The following WWOX variants were observed in gnomAD, a reference collection of about 807,000 sequenced individuals.
WWOX encodes the protein WW domain-containing oxidoreductase.
In WWOX, 69 loss-of-function variants were observed where a neutral mutation model predicts 46.2. The ratio of observed to expected loss-of-function variants is 1.49; its 90% CI spans 1.23 to 1.82. The LOEUF (loss-of-function observed/expected upper bound fraction) is 1.82. Ranked by LOEUF, WWOX falls within the 40% of genes most tolerant of loss-of-function variation. WWOX has a pLI of 0.00. For missense variants in WWOX, 919 were observed against 542.6 expected, an observed-to-expected ratio of 1.69 and a Z score of -6.89; for synonymous variants, 359 against 202.6, an observed-to-expected ratio of 1.77 and a Z score of -6.56.
At chr16:78,650,805 A>G (rs1567464195) in intron 8 of WWOX, among the ~76,000 whole-genome samples, 1 of 152,164 alleles carries the variant, frequency 6.6e-6, no homozygotes, top group Non-Finnish European at 1.5e-5. Context: ...TGGCCTGCAA[A>G]GGTTCCACTG....
Position 79,135,874 on chromosome 16 carries a change from T to C in WWOX, c.1057-75734T>C, listed in dbSNP as rs146905533. 8.5e-5 allele frequency among the ~76,000 whole-genome samples: 13 copies of C among 152,338 alleles called. No homozygotes were observed. In the East Asian group the frequency reaches 2.5e-3, roughly 29 times the overall value. On this transcript the variant is annotated intron_variant, in intron 8 of 8. Transcript: ENST00000566780. Reference sequence around the variant, plus strand: ...CACATTTCTTCTTTTCTGAACTGCCTTTCCATATTCTCGGTCCAGCTTTCT... The same window carrying C: ...CACATTTCTTCTTTTCTGAACTGCCCTTCCATATTCTCGGTCCAGCTTTCT...
chr16:78,623,478 G>A (rs997440185), intron 8 of WWOX, among the ~76,000 whole-genome samples: 6 of 152,066 alleles, frequency 3.9e-5, no homozygotes, highest in African/African-American at 9.7e-5. Context: ...TCATGAGTTC[G>A]AGACCAGCCT....
At chr16:78,407,827 C>G (rs2082584903) in intron 6 of WWOX, among the ~76,000 whole-genome samples, 1 of 152,160 alleles carries the variant, frequency 6.6e-6, no homozygotes, top group Non-Finnish European at 1.5e-5. Flanking sequence ...TACTTCTTAC[C>G]ACATCTTGAG....
chr16:78,576,138 G>A (rs1005775118), intron 8 of WWOX, among the ~76,000 whole-genome samples: 2 of 152,060 alleles, frequency 1.3e-5, no homozygotes, highest in Non-Finnish European at 2.9e-5. Flanking sequence ...TGACTCTCCT[G>A]TATGAATTTT....
intron 8 of WWOX, among the ~76,000 whole-genome samples, chr16:78,521,163 C>G (rs2043340728): frequency 6.6e-6 from 1 of 152,142 alleles, no homozygotes; most frequent in African/African-American, 2.4e-5. Context: ...ATTCCAGTGG[C>G]TTTTGGAGCA....
chr16:78,786,825 A>G lies in WWOX; in HGVS notation c.1056+354073A>G, dbSNP rs149227431. 4.4e-3 allele frequency among the ~76,000 whole-genome samples: 675 copies of G among 152,344 alleles called. 4 individuals are homozygous for G. The highest frequency in any genetic ancestry group is 7.5e-3 in the Non-Finnish European group (507 of 68,036). On this transcript the variant is annotated intron_variant, in intron 8 of 8. Transcript: ENST00000566780. ...TAATACATGCTTTATGGATTTTTAA[A>G]TTGTGGTAAGATTTACATAATGTAA... is the stretch of plus-strand genomic sequence containing the variant.
intron 8 of WWOX, among the ~76,000 whole-genome samples, chr16:78,664,111 A>C (rs1408161148): frequency 6.6e-6 from 1 of 152,184 alleles, no homozygotes; most frequent in African/African-American, 2.4e-5. Flanking sequence ...GTGAAAGCTA[A>C]AGGATATGCT....
At chr16:78,144,441 A>ATATACG (rs1203132529) in intron 4 of WWOX, among the ~76,000 whole-genome samples, 389 of 19,922 alleles carry the variant, frequency 0.02, 56 homozygotes, top group African/African-American at 0.081. Flanking sequence ...ATATATATAT[A>ATATACG]TATATACACA....
intron 8 of WWOX, among the ~76,000 whole-genome samples, chr16:79,087,883 G>A (rs2048882491): frequency 6.6e-6 from 1 of 152,184 alleles, no homozygotes; most frequent in South Asian, 2.1e-4. Flanking sequence ...GGAAAGGACA[G>A]GATGTGGAAG....
chr16:78,254,473 C>G (rs1343125463), intron 5 of WWOX, among the ~76,000 whole-genome samples: 1 of 120,226 alleles, frequency 8.3e-6, no homozygotes, highest in Non-Finnish European at 1.7e-5. Context: ...CACCTCTGTT[C>G]CATCACTTTT....
intron 8 of WWOX, among the ~76,000 whole-genome samples, chr16:78,615,267 C>G (rs919691545): frequency 1.3e-5 from 2 of 152,156 alleles, no homozygotes; most frequent in Non-Finnish European, 2.9e-5. Flanking sequence ...AAGTTTCAGG[C>G]TCTGCTACAG....
intron 8 of WWOX, among the ~76,000 whole-genome samples, chr16:78,560,657 G>A (rs1970869): frequency 0.46 from 69,834 of 151,656 alleles, 18,137 homozygotes; most frequent in African/African-American, 0.72. Flanking sequence ...AAAAATTAAT[G>A]ATAATAATGT....
chr16:79,208,082 A>G (rs908385799), intron 8 of WWOX, among the ~76,000 whole-genome samples: 1 of 152,218 alleles, frequency 6.6e-6, no homozygotes, highest in Non-Finnish European at 1.5e-5. Flanking sequence ...TTTTTGAAAG[A>G]GAATGATGAA....
At chr16:78,483,984 T>C (rs1035727722) in intron 8 of WWOX, among the ~76,000 whole-genome samples, 6 of 152,142 alleles carry the variant, frequency 3.9e-5, no homozygotes, top group East Asian at 1.9e-4. Context: ...TTCAGGAAAA[T>C]GGCTTACCTT....
At chr16:78,614,827 C>T (rs913837097) in intron 8 of WWOX, among the ~76,000 whole-genome samples, 2 of 152,150 alleles carry the variant, frequency 1.3e-5, no homozygotes, top group Non-Finnish European at 2.9e-5. Context: ...AATGCATGTG[C>T]AGAACGTGCA....
chr16:78,619,664 G>A (rs1470270310), intron 8 of WWOX, among the ~76,000 whole-genome samples: 1 of 151,876 alleles, frequency 6.6e-6, no homozygotes, highest in East Asian at 1.9e-4. Context: ...CAGCACTTCG[G>A]GAGTCCAAGG....
chr16:78,828,082 C>A (rs1043190949), intron 8 of WWOX, among the ~76,000 whole-genome samples: 2 of 152,154 alleles, frequency 1.3e-5, no homozygotes, highest in African/African-American at 2.4e-5. Flanking sequence ...CTATTAGCTC[C>A]TCAGGCTGTG....
At chr16:78,301,261 A>G (rs2151867200) in intron 5 of WWOX, among the ~76,000 whole-genome samples, 1 of 152,350 alleles carries the variant, frequency 6.6e-6, no homozygotes. Flanking sequence ...TTTGTTTTCA[A>G]TCAGGCTGTA....
rs1324821673 is a variant in WWOX, at chr16:78,957,424, A to C, written c.1057-254184A>C. Among the ~76,000 whole-genome samples the C allele has an allele frequency of 2.0e-5, 3 of 152,300 alleles. No individual in the cohort carries two copies. In the East Asian group the frequency reaches 5.8e-4, roughly 29 times the overall value. Reference sequence around the variant, plus strand: ...AAACACCCACAAATGTGAATGCTTCAGGCCTGAACTTGTCAACAGCCAGTG... The same window carrying C: ...AAACACCCACAAATGTGAATGCTTCCGGCCTGAACTTGTCAACAGCCAGTG... On this transcript the variant is annotated intron_variant, in intron 8 of 8. Transcript: ENST00000566780.
Sources: gnomAD v4.1 joint callset for allele counts (sites outside exome capture counted in the v4.1 genomes callset) on GRCh38, gnomAD v4.1.1 for gene constraint, MANE v1.5 for transcripts, NCBI Gene and HGNC (gene_info 2026-07-23, HGNC 2026-07-21) for gene names.